SPAG16: variants seen among roughly 807,000 people sequenced by gnomAD.
SPAG16 encodes sperm-associated antigen 16 protein.
SPAG16 carries 86 observed loss-of-function variants against 80.4 expected under a neutral mutation model. The observed-to-expected ratio is 1.07, with a 90% CI of 0.90 to 1.28. The LOEUF (loss-of-function observed/expected upper bound fraction) is 1.28, where lower values mean the gene tolerates loss of function less well. Among genes scored for constraint, SPAG16 ranks in the 50% most tolerant of loss-of-function variants. The pLI is 0.00. For missense variants in SPAG16, 870 were observed against 765.3 expected (o/e 1.14, Z -1.61); for synonymous variants, 294 against 265.9 (o/e 1.11, Z -1.03).
At chr2:214,233,667 C>A (rs1688865603) in intron 15 of SPAG16, among the ~76,000 whole-genome samples, 2 of 151,840 alleles carry the variant, frequency 1.3e-5, no homozygotes, top group African/African-American at 4.8e-5. Flanking sequence ...TCTTATCTGC[C>A]CACTGAGGTA....
At chr2:213,521,831 T>TA (rs1364547828) in intron 10 of SPAG16, among the ~76,000 whole-genome samples, 1 of 152,282 alleles carries the variant, frequency 6.6e-6, no homozygotes, top group Non-Finnish European at 1.5e-5. Context: ...GTGTTACCAT[T>TA]ACAAATGGTA....
intron 10 of SPAG16, among the ~76,000 whole-genome samples, chr2:213,644,824 A>G (rs2062760867): frequency 6.6e-6 from 1 of 152,204 alleles, no homozygotes; most frequent in Non-Finnish European, 1.5e-5. Flanking sequence ...ACAGTGCTGC[A>G]TCTCACCCAA....
At chr2:213,676,864 C>T (rs2064107408) in intron 10 of SPAG16, among the ~76,000 whole-genome samples, 1 of 150,826 alleles carries the variant, frequency 6.6e-6, no homozygotes, top group Non-Finnish European at 1.5e-5. Context: ...TGTGTCTCTG[C>T]CCAGCTTTGG....
At chr2:214,201,522 G>A (rs1340111204) in intron 15 of SPAG16, among the ~76,000 whole-genome samples, 3 of 152,134 alleles carry the variant, frequency 2.0e-5, no homozygotes, top group Non-Finnish European at 4.4e-5. Flanking sequence ...AGAATAAGTA[G>A]CCATATAAGG....
At chr2:213,558,607 C>T (rs2059505328) in intron 10 of SPAG16, among the ~76,000 whole-genome samples, 1 of 151,880 alleles carries the variant, frequency 6.6e-6, no homozygotes, top group Non-Finnish European at 1.5e-5. Context: ...AAAAAAGAAA[C>T]TTTATCCTCA....
chr2:213,961,991 C>T (rs1220329763), intron 12 of SPAG16, among the ~76,000 whole-genome samples: 1 of 151,990 alleles, frequency 6.6e-6, no homozygotes, highest in Non-Finnish European at 1.5e-5. Context: ...TAGAATTCAC[C>T]AGTGAAACAT....
intron 11 of SPAG16, among the ~76,000 whole-genome samples, chr2:213,906,032 C>T (rs529292031): frequency 6.0e-4 from 92 of 152,224 alleles, no homozygotes; most frequent in Admixed American, 1.4e-3. Context: ...TTAGCACCTA[C>T]GCTAAATTCC....
chr2:214,398,580 G>T (rs115447919), intron 15 of SPAG16, among the ~76,000 whole-genome samples: 2,182 of 152,318 alleles, frequency 0.014, 14 homozygotes, highest in Non-Finnish European at 0.018. Context: ...AAGTATGATG[G>T]AGAGAGGCTG....
At chr2:214,149,390 A>G in intron 15 of SPAG16, 124 bp downstream of exon 15, 4 of 823,262 alleles carry the variant, frequency 4.9e-6, no homozygotes, top group East Asian at 4.8e-5. Flanking sequence ...ATATTACATT[A>G]TATTACATTA....
intron 10 of SPAG16, among the ~76,000 whole-genome samples, chr2:213,731,497 CA>C (rs1358114844): frequency 6.8e-6 from 1 of 146,934 alleles, no homozygotes; most frequent in Non-Finnish European, 1.5e-5. Flanking sequence ...CTTTTAAGTT[CA>C]GGGGTACATG....
intron 15 of SPAG16, among the ~76,000 whole-genome samples, chr2:214,282,834 G>A (rs542435284): frequency 2.6e-5 from 4 of 152,258 alleles, no homozygotes; most frequent in African/African-American, 4.8e-5. Context: ...AAAACTGTGA[G>A]ACACTATGTA....
At chr2:214,080,362 G>A (rs1048986509) in intron 13 of SPAG16, among the ~76,000 whole-genome samples, 2 of 151,892 alleles carry the variant, frequency 1.3e-5, no homozygotes, top group Non-Finnish European at 2.9e-5. Flanking sequence ...ACTTTGGGAG[G>A]CCGAGGCAGG....
In SPAG16 at chr2:213,642,035, A is replaced by G. The variant is rs545244964; in HGVS notation, c.1070+151945A>G. Reference sequence around the variant, plus strand: ...TCCAATCACCTCCTTCTTTTGACACATGGGGATTACAGGTCCCTCCTTGAG... The same window carrying G: ...TCCAATCACCTCCTTCTTTTGACACGTGGGGATTACAGGTCCCTCCTTGAG... On this transcript the variant is annotated intron_variant, in intron 10 of 15. Transcript: ENST00000331683. Among the ~76,000 whole-genome samples the G allele has an allele frequency of 2.2e-4, 33 of 152,294 alleles. No individual in the cohort carries two copies. In the Middle Eastern group the frequency reaches 0.01, roughly 47 times the overall value.
chr2:213,979,677 G>A (rs867001684), intron 12 of SPAG16, among the ~76,000 whole-genome samples: 9 of 152,064 alleles, frequency 5.9e-5, no homozygotes, highest in East Asian at 3.9e-4. Context: ...CCCTTGACAC[G>A]TGGGGATAAT....
intron 15 of SPAG16, among the ~76,000 whole-genome samples, chr2:214,163,946 G>A (rs957216492): frequency 4.0e-5 from 6 of 151,636 alleles, no homozygotes; most frequent in Non-Finnish European, 5.9e-5. Context: ...TACTAATCAC[G>A]TCTTTAAAAA....
intron 15 of SPAG16, among the ~76,000 whole-genome samples, chr2:214,215,160 C>T (rs910933531): frequency 2.6e-5 from 4 of 152,036 alleles, no homozygotes; most frequent in Non-Finnish European, 5.9e-5. Flanking sequence ...TAGATGACCC[C>T]CTTGTTCACA....
chr2:214,125,050 T>C (rs2054406703), intron 14 of SPAG16, among the ~76,000 whole-genome samples: 1 of 151,810 alleles, frequency 6.6e-6, no homozygotes, highest in Non-Finnish European at 1.5e-5. Context: ...GTTTTCTTTT[T>C]TTTTAAGATT....
chr2:214,332,184 G>T (rs1416166414), intron 15 of SPAG16, among the ~76,000 whole-genome samples: 1 of 152,184 alleles, frequency 6.6e-6, no homozygotes, highest in African/African-American at 2.4e-5. Context: ...CCTGGGAGGT[G>T]GAGGTTGCAG....
chr2:213,929,006 T>G (rs1318242041), intron 11 of SPAG16, among the ~76,000 whole-genome samples: 4 of 49,354 alleles, frequency 8.1e-5, no homozygotes, highest in Non-Finnish European at 1.1e-4. Context: ...TTTTCTTTTT[T>G]TTTTTTTTTT....
Sources: allele counts gnomAD v4.1 joint callset (sites outside exome capture counted in the v4.1 genomes callset), GRCh38; gene constraint gnomAD v4.1.1; transcripts MANE v1.5; gene names NCBI Gene and HGNC (gene_info 2026-07-23, HGNC 2026-07-21).